DSC2: variants seen among roughly 807,000 people sequenced by gnomAD.
The protein encoded by DSC2 is desmocollin 2, also known as desmocollin-2.
DSC2 carries 51 observed loss-of-function variants against 87.6 expected under a neutral mutation model. That is an observed-to-expected ratio of 0.58 (90% CI 0.46 to 0.74). The LOEUF (loss-of-function observed/expected upper bound fraction) is 0.74, where lower values mean the gene tolerates loss of function less well. DSC2 is among the 30% of genes least tolerant of loss of function. The pLI is 0.00. For missense variants in DSC2, 1,066 were observed against 1,089.5 expected (o/e 0.98, Z 0.30); for synonymous variants, 383 against 393.2 (o/e 0.97, Z 0.31).
chr18:31,077,770 T>C (rs949648455), intron 11 of DSC2, among the ~76,000 whole-genome samples: 1 of 152,192 alleles, frequency 6.6e-6, no homozygotes, highest in Non-Finnish European at 1.5e-5. Context: ...TCATGCTTTA[T>C]GTGCATGATG....
At chr18:31,068,325 G>A in intron 15 of DSC2, 113 bp from the exon 16 acceptor site, 1 of 1,613,304 alleles carries the variant, frequency 6.2e-7, no homozygotes, top group East Asian at 2.2e-5. Flanking sequence ...TTTAATCAGA[G>A]TGTGTCCTCT....
chr18:31,070,041 G>T (rs1986772862), intron 14 of DSC2, among the ~76,000 whole-genome samples: 2 of 152,004 alleles, frequency 1.3e-5, no homozygotes, highest in Admixed American at 1.3e-4. Context: ...CAAAGCTTTG[G>T]CCACTAGTTA....
rs751631188 is a variant in DSC2, at chr18:31,089,607, T to C, written c.475-13A>G. On this transcript the variant is annotated splice_polypyrimidine_tract_variant and intron_variant, in intron 4 of 15. Coordinates refer to ENST00000280904, the MANE Select transcript of DSC2 (RefSeq NM_024422.6). ...TGTCAGATTGAACCTAGAAAGTAGA[T>C]ATTATATACATGAGACAAATCTTTA... The C allele has an allele frequency of 1.6e-5, 26 of 1,611,128 alleles. No individual in the cohort carries two copies. The highest frequency in any genetic ancestry group is 2.1e-5 in the Non-Finnish European group (25 of 1,177,874).
intron 9 of DSC2, among the ~76,000 whole-genome samples, chr18:31,080,747 G>A (rs903395682): frequency 6.6e-6 from 1 of 152,170 alleles, no homozygotes; most frequent in East Asian, 1.9e-4. Flanking sequence ...TAAGTTTCCT[G>A]AGGCCTACCT....
At chr18:31,088,708 AGTAAGCTTAG>A (rs1367676811) in intron 5 of DSC2, among the ~76,000 whole-genome samples, 3 of 152,206 alleles carry the variant, frequency 2.0e-5, no homozygotes, top group African/African-American at 7.2e-5. Flanking sequence ...TAAAGGACTG[AGTAAGCTTAG>A]GTAAGCACTG....
chr18:31,079,127 A>G (rs1987117964), intron 11 of DSC2, among the ~76,000 whole-genome samples: 1 of 152,208 alleles, frequency 6.6e-6, no homozygotes, highest in Admixed American at 6.5e-5. Flanking sequence ...CCAGGACTGC[A>G]CTGTGTAAGT....
chr18:31,074,230 T>C (rs1426707583), intron 12 of DSC2, among the ~76,000 whole-genome samples: 2 of 152,142 alleles, frequency 1.3e-5, no homozygotes, highest in African/African-American at 2.4e-5. Flanking sequence ...CCCAAGCAAA[T>C]TCCTTAGTCA....
rs2144773252 is a variant in DSC2, at chr18:31,064,902, A to C, written c.*3113T>G. 6.6e-6 allele frequency: 1 copy of C among 152,364 alleles called. No homozygotes were observed. Among genetic ancestry groups the C allele is most frequent in the Middle Eastern group, 3.4e-3 (1 of 294 alleles). The allele number at this position is 152,364 out of a possible 1,614,324, so 9.4% of individuals were successfully genotyped here. A position where few individuals can be genotyped will look rare whatever the true frequency, so the allele number is the denominator to read the frequency against. On this transcript the variant is annotated 3_prime_UTR_variant, in exon 16 of 16. Coordinates refer to ENST00000280904, the MANE Select transcript of DSC2 (RefSeq NM_024422.6). ...TAGTCAAAGTCAGATTTGGCAAAAC[A>C]GAATTGGGATCCAAGATAAAAACAG... is the stretch of plus-strand genomic sequence containing the variant.
intron 12 of DSC2, among the ~76,000 whole-genome samples, chr18:31,073,652 G>T (rs1986906914): frequency 6.6e-6 from 1 of 152,184 alleles, no homozygotes; most frequent in African/African-American, 2.4e-5. Flanking sequence ...TCATTCAGTG[G>T]TTCTAGAGTC....
chr18:31,073,853 G>A (rs572445395), intron 12 of DSC2, among the ~76,000 whole-genome samples: 14 of 152,318 alleles, frequency 9.2e-5, no homozygotes, highest in South Asian at 6.2e-4. Flanking sequence ...ATGGGGAACC[G>A]AGTTAGGGGA....
chr18:31,087,556 G>A, intron 6 of DSC2, 113 bp downstream of exon 6: 1 of 1,252,644 alleles, frequency 8.0e-7, no homozygotes, highest in Non-Finnish European at 1.1e-6. Flanking sequence ...ATTCCACCCA[G>A]AGTCCCTTAT....
chr18:31,074,584 T>C, intron 12 of DSC2, 99 bp downstream of exon 12: 1 of 1,121,594 alleles, frequency 8.9e-7, no homozygotes, highest in Non-Finnish European at 1.3e-6. Flanking sequence ...CATTGGTGTT[T>C]CCCACATGGT....
chr18:31,101,975 G>A lies in DSC2; in HGVS notation c.-4C>T. 6.6e-7 allele frequency: 1 copy of A among 1,522,694 alleles called. No homozygotes were observed. Among genetic ancestry groups the A allele is most frequent in the Non-Finnish European group, 8.8e-7 (1 of 1,140,936 alleles). 94.3% of individuals were successfully genotyped at this position (1,522,694 alleles called of 1,614,324 possible). ...CGGAGGGGCGGGCTGCCTCCATGGA[G>A]AGGGCTCGGGGCAGGTCGCGGGCCG... On this transcript the variant is annotated 5_prime_UTR_variant, in exon 1 of 16. Transcript: ENST00000280904.
intron 14 of DSC2, among the ~76,000 whole-genome samples, chr18:31,070,420 A>AT (rs1986784409): frequency 6.6e-6 from 1 of 152,250 alleles, no homozygotes; most frequent in Non-Finnish European, 1.5e-5. Flanking sequence ...TTTTTACAGC[A>AT]CAAACAGCAG....
chr18:31,100,433 T>G (rs1381668122), intron 1 of DSC2, among the ~76,000 whole-genome samples: 3 of 152,112 alleles, frequency 2.0e-5, no homozygotes, highest in African/African-American at 7.2e-5. Context: ...TTATTAGGAG[T>G]CTAATGAAAA....
intron 1 of DSC2, chr18:31,101,624 T>G: frequency 2.7e-5 from 11 of 406,958 alleles, no homozygotes; most frequent in East Asian, 1.3e-4. Context: ...GGGGCCACGA[T>G]TTTGGCTGGG....
At chr18:31,077,863 G>T (rs916459271) in intron 11 of DSC2, among the ~76,000 whole-genome samples, 2 of 152,148 alleles carry the variant, frequency 1.3e-5, no homozygotes, top group African/African-American at 4.8e-5. Flanking sequence ...TTAATCTCAA[G>T]CTCAACTAGA....
chr18:31,082,719 G>A (rs1375700298), intron 8 of DSC2, among the ~76,000 whole-genome samples: 4 of 152,016 alleles, frequency 2.6e-5, no homozygotes, highest in Admixed American at 6.6e-5. Flanking sequence ...CACCATGCCC[G>A]GCTAATTTTT....
At chr18:31,075,687 C>T (rs934178291) in intron 11 of DSC2, among the ~76,000 whole-genome samples, 2 of 152,038 alleles carry the variant, frequency 1.3e-5, no homozygotes, top group African/African-American at 4.8e-5. Flanking sequence ...CCTATCTCTA[C>T]TAAAAATACA....
Sources: allele counts gnomAD v4.1 joint callset (sites outside exome capture counted in the v4.1 genomes callset), GRCh38; gene constraint gnomAD v4.1.1; transcripts MANE v1.5; gene names NCBI Gene and HGNC (gene_info 2026-07-23, HGNC 2026-07-21).